NCOA1: variants seen among roughly 807,000 people sequenced by gnomAD.
NCOA1 encodes the protein Hin-2 protein.
Under a neutral mutation model 150.9 loss-of-function variants are expected in NCOA1, and 35 were observed. The ratio of observed to expected loss-of-function variants is 0.23; its 90% CI spans 0.18 to 0.31. NCOA1 has a LOEUF of 0.31. Ranked by LOEUF, NCOA1 falls within the 10% of genes least tolerant of loss-of-function variation. The pLI, the probability that NCOA1 is intolerant of heterozygous loss-of-function variation, is 1.00. For synonymous variants in NCOA1, 590 were observed against 630.0 expected, an observed-to-expected ratio of 0.94 and a Z score of 0.95; for missense variants, 1,491 against 1,749.3, an observed-to-expected ratio of 0.85 and a Z score of 2.63.
intron 3 of NCOA1, among the ~76,000 whole-genome samples, chr2:24,604,067 T>A (rs748953117): frequency 1.4e-4 from 22 of 152,348 alleles, no homozygotes; most frequent in Non-Finnish European, 2.4e-4. Context: ...TCAGAGTTCT[T>A]GGGTGGCCAG....
At chr2:24,651,561 C>T (rs542026697) in intron 4 of NCOA1, among the ~76,000 whole-genome samples, 2 of 151,994 alleles carry the variant, frequency 1.3e-5, no homozygotes, top group Admixed American at 6.6e-5. Context: ...AAATGGGTAA[C>T]TATGGGAGAT....
chr2:24,739,541 G>A lies in NCOA1; in HGVS notation c.3303+8G>A. 6.3e-7 allele frequency: 1 copy of A among 1,593,814 alleles called. No individual in the cohort carries two copies. On this transcript the variant is annotated splice_region_variant and intron_variant, in intron 18 of 22. Transcript: ENST00000348332. ...CAGCAAATTACACCTCAGGTAATGT[G>A]AGAAAACCAGACGTCATTAGTACTT...
intron 3 of NCOA1, among the ~76,000 whole-genome samples, chr2:24,611,509 G>A (rs1016948255): frequency 6.6e-6 from 1 of 152,086 alleles, no homozygotes; most frequent in Non-Finnish European, 1.5e-5. Context: ...TAAGTTATTT[G>A]AGAAACCTCC....
At chr2:24,605,082 G>C (rs1668302432) in intron 3 of NCOA1, among the ~76,000 whole-genome samples, 1 of 152,118 alleles carries the variant, frequency 6.6e-6, no homozygotes. Context: ...CCTTATGTGG[G>C]CTTACATGTT....
chr2:24,723,974 A>G (rs1674482498), intron 14 of NCOA1, among the ~76,000 whole-genome samples: 1 of 152,214 alleles, frequency 6.6e-6, no homozygotes, highest in African/African-American at 2.4e-5. Flanking sequence ...ATGGTTAAGA[A>G]AATGCTTTCT....
At chr2:24,550,599 C>T (rs1401499812) in intron 1 of NCOA1, among the ~76,000 whole-genome samples, 1 of 152,188 alleles carries the variant, frequency 6.6e-6, no homozygotes, top group East Asian at 1.9e-4. Flanking sequence ...TTTAACAGCA[C>T]ATGGGAATTC....
At chr2:24,511,052 T>C (rs1190622975) in intron 1 of NCOA1, among the ~76,000 whole-genome samples, 2 of 152,252 alleles carry the variant, frequency 1.3e-5, no homozygotes, top group Non-Finnish European at 2.9e-5. Flanking sequence ...TTGCTGTCTC[T>C]ATGGATTTGC....
chr2:24,718,414 A>G (rs1674168184), intron 14 of NCOA1, among the ~76,000 whole-genome samples: 1 of 152,180 alleles, frequency 6.6e-6, no homozygotes, highest in South Asian at 2.1e-4. Context: ...AATTTCTCAT[A>G]AAGTTAATCA....
intron 1 of NCOA1, among the ~76,000 whole-genome samples, chr2:24,530,847 A>G (rs1664852822): frequency 6.6e-6 from 1 of 152,192 alleles, no homozygotes; most frequent in Non-Finnish European, 1.5e-5. Context: ...ATACCTTTTA[A>G]AGGGGGTTGA....
chr2:24,728,542 A>G (rs1662816936), intron 16 of NCOA1, 66 bp downstream of exon 16: 3 of 1,402,096 alleles, frequency 2.1e-6, no homozygotes, highest in Admixed American at 4.2e-5. Flanking sequence ...TATTTTAAGC[A>G]AGATTTTAAA....
rs555535931 is a variant in NCOA1 at position 24,769,816 on chromosome 2, T to A, written c.*1425T>A. On this transcript the variant is annotated 3_prime_UTR_variant, in exon 23 of 23. Coordinates refer to ENST00000348332, the MANE Select transcript of NCOA1 (RefSeq NM_003743.5). ...CCAGGAAAGCTTGAGAAAGGTATTG[T>A]GGAAGAAGCAAAGGTAGACCCCCAT... The A allele has an allele frequency of 3.1e-5, 7 of 223,870 alleles. No individual in the cohort carries two copies. In the East Asian group the frequency reaches 3.2e-4, roughly 10 times the overall value. The allele number at this position is 223,870 out of a possible 1,614,324, so 13.9% of individuals were successfully genotyped here.
intron 3 of NCOA1, among the ~76,000 whole-genome samples, chr2:24,587,305 C>A (rs2148325151): frequency 6.6e-6 from 1 of 152,206 alleles, no homozygotes; most frequent in South Asian, 2.1e-4. Flanking sequence ...AAATAGTAAA[C>A]TCACCTTCAT....
At chr2:24,753,224 C>A (rs1045525138) in intron 20 of NCOA1, among the ~76,000 whole-genome samples, 1 of 152,246 alleles carries the variant, frequency 6.6e-6, no homozygotes. Flanking sequence ...TGTGGCCCAT[C>A]ATTATAATCA....
chr2:24,590,472 A>T (rs1194446024), intron 3 of NCOA1, among the ~76,000 whole-genome samples: 1 of 152,224 alleles, frequency 6.6e-6, no homozygotes, highest in Non-Finnish European at 1.5e-5. Flanking sequence ...ATAGGAAAAT[A>T]GTGTGTCTCT....
intron 3 of NCOA1, among the ~76,000 whole-genome samples, chr2:24,590,439 AT>A (rs934282081): frequency 1.3e-5 from 2 of 152,142 alleles, no homozygotes; most frequent in Non-Finnish European, 2.9e-5. Flanking sequence ...TAACTTTGAT[AT>A]TTTTAATTAT....
chr2:24,768,672 T>G lies in NCOA1; in HGVS notation c.*281T>G. 2 of 255,396 alleles carry G rather than the reference T, an allele frequency of 7.8e-6. No homozygotes were observed. Among genetic ancestry groups the G allele is most frequent in the Non-Finnish European group, 1.5e-5 (2 of 133,988 alleles). The allele number at this position is 255,396 out of a possible 1,614,324, so 15.8% of individuals were successfully genotyped here. A position where few individuals can be genotyped will look rare whatever the true frequency, so the allele number is the denominator to read the frequency against. On this transcript the variant is annotated 3_prime_UTR_variant, in exon 23 of 23. Transcript: ENST00000348332. ...CTTGAGCCAAATTTAATTATTCTTA[T>G]TTTTGTAATCAGTCATTGGCTTCTT...
intron 17 of NCOA1, among the ~76,000 whole-genome samples, chr2:24,735,808 T>C (rs1663269783): frequency 6.6e-6 from 1 of 152,186 alleles, no homozygotes. Context: ...TAATACCCGC[T>C]TACTCCTCAA....
intron 20 of NCOA1, among the ~76,000 whole-genome samples, chr2:24,757,261 AT>A (rs1664549203): frequency 6.6e-6 from 1 of 152,206 alleles, no homozygotes; most frequent in South Asian, 2.1e-4. Context: ...GTCCCAGGGT[AT>A]TCTCTTGTAG....
chr2:24,727,138 CAAA>C (rs755486331), intron 15 of NCOA1, among the ~76,000 whole-genome samples: 41 of 43,272 alleles, frequency 9.5e-4, no homozygotes, highest in Non-Finnish European at 1.8e-3. Flanking sequence ...AACTCTGTCT[CAAA>C]AAAAAAAAAA....
Sources: gnomAD v4.1 joint callset for allele counts (sites outside exome capture counted in the v4.1 genomes callset) on GRCh38, gnomAD v4.1.1 for gene constraint, MANE v1.5 for transcripts, NCBI Gene and HGNC (gene_info 2026-07-23, HGNC 2026-07-21) for gene names.